The following GRM7 variants were observed in gnomAD, a reference collection of about 807,000 sequenced individuals.
GRM7 encodes metabotropic glutamate receptor 7.
In GRM7, 35 loss-of-function variants were observed where a neutral mutation model predicts 84.5. The ratio of observed to expected loss-of-function variants is 0.41; its 90% confidence interval spans 0.32 to 0.55. The LOEUF is 0.55. GRM7 is among the 20% of genes least tolerant of loss of function. GRM7 has a pLI of 0.19. For missense variants in GRM7, 1,003 were observed against 1,194.6 expected (o/e 0.84, Z 2.36); for synonymous variants, 487 against 455.1 (o/e 1.07, Z -0.89).
intron 1 of GRM7, among the ~76,000 whole-genome samples, chr3:7,143,818 T>G (rs1182047204): frequency 6.6e-6 from 1 of 152,180 alleles, no homozygotes; most frequent in East Asian, 1.9e-4. Context: ...CAAGTTGAAA[T>G]TGATGGAAAT....
chr3:7,442,485 C>A (rs149548750), intron 5 of GRM7, among the ~76,000 whole-genome samples: 5 of 141,654 alleles, frequency 3.5e-5, no homozygotes, highest in African/African-American at 8.0e-5. Context: ...CTAGAACTTG[C>A]GATTATGACT....
Position 7,151,844 on chromosome 3 carries a change from T to G in GRM7, c.736+5176T>G, listed in dbSNP as rs1188458005. Among the ~76,000 whole-genome samples, 1 of 152,126 alleles carries G rather than the reference T, an allele frequency of 6.6e-6. No individual in the cohort carries two copies. Among genetic ancestry groups the G allele is most frequent in the Non-Finnish European group, 1.5e-5 (1 of 68,024 alleles). On this transcript the variant is annotated intron_variant, in intron 2 of 9. Transcript: ENST00000357716. The surrounding 1 kb of genome is among the most constrained non-coding windows in gnomAD (Gnocchi z 4.5). ...CACCATTATTTCCTCTCACCATTCC[T>G]ATATAAAACTGATAGCAGTATGGTG...
At chr3:7,265,558 GC>G (rs1344648483) in intron 2 of GRM7, among the ~76,000 whole-genome samples, 1 of 152,168 alleles carries the variant, frequency 6.6e-6, no homozygotes, top group African/African-American at 2.4e-5. Flanking sequence ...CCAAGAGAAA[GC>G]AGCAATGCTT....
rs76948363 is a variant in GRM7, at chr3:7,477,535, A to G, written c.1515+15813A>G. On this transcript the variant is annotated intron_variant, in intron 7 of 9. Transcript: ENST00000357716. Reference sequence around the variant, plus strand: ...TCATGAGTATGTGACCAGAGGTAACAGATTTAGTTGTGTTAGGTGACTTCT... The same window carrying G: ...TCATGAGTATGTGACCAGAGGTAACGGATTTAGTTGTGTTAGGTGACTTCT... Among the ~76,000 whole-genome samples, 711 of 152,310 alleles carry G rather than the reference A, an allele frequency of 4.7e-3. 3 individuals are homozygous for G. Among genetic ancestry groups the G allele is most frequent in the African/African-American group, 0.017 (690 of 41,580 alleles).
intron 1 of GRM7, among the ~76,000 whole-genome samples, chr3:7,121,582 C>T (rs1693222501): frequency 6.6e-6 from 1 of 152,254 alleles, no homozygotes. Flanking sequence ...CCCCTTTCCT[C>T]CTAATTTAGA....
chr3:7,487,778 G>A (rs187109723), intron 7 of GRM7, among the ~76,000 whole-genome samples: 71 of 152,338 alleles, frequency 4.7e-4, no homozygotes, highest in African/African-American at 1.7e-3. Context: ...CCACCCCAGA[G>A]AGCCTTCACT....
chr3:7,395,144 T>C (rs1401293226), intron 4 of GRM7, among the ~76,000 whole-genome samples: 3 of 152,162 alleles, frequency 2.0e-5, no homozygotes, highest in Admixed American at 6.5e-5. Flanking sequence ...GCTTTAAATA[T>C]GTTTATAGAG....
intron 1 of GRM7, among the ~76,000 whole-genome samples, chr3:6,942,722 C>T (rs999363981): frequency 1.1e-4 from 16 of 152,076 alleles, no homozygotes; most frequent in Admixed American, 7.2e-4. Flanking sequence ...GTGTGGGTGC[C>T]TGCTTTTATT....
At chr3:6,985,936 T>C (rs1694393042) in intron 1 of GRM7, among the ~76,000 whole-genome samples, 1 of 152,204 alleles carries the variant, frequency 6.6e-6, no homozygotes, top group Non-Finnish European at 1.5e-5. Flanking sequence ...TTCCCACTAA[T>C]ATTTTTGGGT....
intron 8 of GRM7, chr3:7,636,276 T>G (rs754056243): frequency 7.0e-5 from 32 of 456,572 alleles, no homozygotes; most frequent in African/African-American, 5.4e-4. Context: ...CCTGAATCAT[T>G]GTAAGATAAT....
At chr3:7,169,929 A>T (rs1694927758) in intron 2 of GRM7, among the ~76,000 whole-genome samples, 1 of 152,200 alleles carries the variant, frequency 6.6e-6, no homozygotes. Context: ...TATATATAGG[A>T]CAATGGTTCT....
chr3:7,164,917 T>A (rs1031709600), intron 2 of GRM7, among the ~76,000 whole-genome samples: 1 of 152,150 alleles, frequency 6.6e-6, no homozygotes, highest in African/African-American at 2.4e-5. Flanking sequence ...GTGTAATATA[T>A]GAAGAAGCTG....
intron 4 of GRM7, among the ~76,000 whole-genome samples, chr3:7,329,368 A>G (rs979774927): frequency 6.6e-6 from 1 of 152,152 alleles, no homozygotes; most frequent in African/African-American, 2.4e-5. Context: ...ACCCACTTGC[A>G]TTGGACCTTG....
At chr3:6,997,985 G>A (rs1453917436) in intron 1 of GRM7, among the ~76,000 whole-genome samples, 2 of 151,486 alleles carry the variant, frequency 1.3e-5, no homozygotes, top group African/African-American at 4.9e-5. Flanking sequence ...TGGGTGTGGT[G>A]GCCTGCACCT....
At chr3:7,230,581 G>A (rs1697161439) in intron 2 of GRM7, among the ~76,000 whole-genome samples, 5 of 152,146 alleles carry the variant, frequency 3.3e-5, no homozygotes, top group Admixed American at 2.0e-4. Context: ...TTCCTTCAAC[G>A]TCAAAGAGAA....
intron 1 of GRM7, among the ~76,000 whole-genome samples, chr3:6,981,661 A>G (rs1694204390): frequency 6.6e-6 from 1 of 152,136 alleles, no homozygotes; most frequent in Non-Finnish European, 1.5e-5. Context: ...AGCTGGAGGG[A>G]GAGAACTGCT....
chr3:7,512,624 G>A (rs1700250662), intron 7 of GRM7, among the ~76,000 whole-genome samples: 1 of 149,868 alleles, frequency 6.7e-6, no homozygotes, highest in African/African-American at 2.5e-5. Context: ...GAGACATTTG[G>A]GAATTTGAGA....
intron 2 of GRM7, among the ~76,000 whole-genome samples, chr3:7,171,223 G>T (rs1402868734): frequency 6.6e-6 from 1 of 152,128 alleles, no homozygotes; most frequent in East Asian, 1.9e-4. Context: ...TTAGCTTGTA[G>T]ATGGACTTCT....
At chr3:6,948,087 C>T (rs1020067935) in intron 1 of GRM7, among the ~76,000 whole-genome samples, 4 of 152,068 alleles carry the variant, frequency 2.6e-5, no homozygotes, top group African/African-American at 9.7e-5. Flanking sequence ...TTATTTCTTG[C>T]CTTCTTGTAG....
Sources: gnomAD v4.1 joint callset for allele counts (sites outside exome capture counted in the v4.1 genomes callset) on GRCh38, gnomAD v4.1.1 for gene constraint, Gnocchi (gnomAD v3.1) non-coding constraint, MANE v1.5 for transcripts, NCBI Gene and HGNC (gene_info 2026-07-23, HGNC 2026-07-21) for gene names.